The following SPATA16 variants were observed in gnomAD, a reference collection of about 807,000 sequenced individuals.
SPATA16 encodes the protein spermatogenesis associated 16.
A neutral mutation model predicts 63.3 loss-of-function variants in SPATA16; 36 were observed. The ratio of observed to expected loss-of-function variants is 0.57; its 90% CI spans 0.44 to 0.75. SPATA16 has a LOEUF of 0.75. Among genes scored for constraint, SPATA16 ranks in the 30% least tolerant of loss-of-function variants. The pLI is 0.00. For missense variants in SPATA16, 646 were observed against 679.3 expected (o/e 0.95, Z 0.54); for synonymous variants, 203 against 216.7 (o/e 0.94, Z 0.56).
In SPATA16 at chr3:173,117,255, G is replaced by T. The variant is rs368126069; in HGVS notation, c.477C>A (p.Asp159Glu). 1 of 1,614,144 alleles carries T rather than the reference G, an allele frequency of 6.2e-7. No homozygotes were observed. Among genetic ancestry groups the T allele is most frequent in the Non-Finnish European group, 8.5e-7 (1 of 1,180,014 alleles). The change falls in exon 2 of 11, where the codon GAC becomes GAA. Residue 159 changes from aspartate (D) to glutamate (E), a missense_variant. Asp to Glu is a conservative substitution (Grantham distance 45, BLOSUM62 2). Coordinates refer to ENST00000351008, the MANE Select transcript of SPATA16 (RefSeq NM_031955.6). ...AGCTGAAATTATGTACACTCAAAGG[G>T]TCTACTATTTCAGCAGCTTGGCATG... ...QPTCQAAEIV[D>E]PLSVHNFSFL...
At chr3:172,916,579 T>A (rs1732495283) in intron 8 of SPATA16, 98 bp from the exon 9 acceptor site, 1 of 1,303,238 alleles carries the variant, frequency 7.7e-7, no homozygotes, top group African/African-American at 1.5e-5. Context: ...TATTTACATC[T>A]TTTGAAATAA....
chr3:173,106,351 C>T (rs1456464411), intron 2 of SPATA16, among the ~76,000 whole-genome samples: 1 of 152,148 alleles, frequency 6.6e-6, no homozygotes, highest in African/African-American at 2.4e-5. Context: ...CTTTACCCCT[C>T]TAGCTGTTTT....
At position 173,067,898 on chromosome 3, in the gene SPATA16, A is replaced by T. The variant is rs775493523; in HGVS notation, c.613-18804T>A. 2.0e-5 allele frequency among the ~76,000 whole-genome samples: 3 copies of T among 152,372 alleles called. No homozygotes were observed. In the Middle Eastern group the frequency reaches 0.01, roughly 518 times the overall value. On this transcript the variant is annotated intron_variant, in intron 2 of 10. Coordinates refer to ENST00000351008, the MANE Select transcript of SPATA16 (RefSeq NM_031955.6). ...ACAAATAAAAATAAAAAGAATTGTG[A>T]TATGCCTAGCAGCAGATTTCTCAAT...
intron 4 of SPATA16, among the ~76,000 whole-genome samples, chr3:172,998,701 G>A (rs1410950227): frequency 1.3e-5 from 2 of 152,186 alleles, no homozygotes; most frequent in East Asian, 3.9e-4. Flanking sequence ...TTTAAAAAAT[G>A]AAGTTTGGGA....
At position 172,924,308 on chromosome 3, in the gene SPATA16, G is replaced by A. The variant is rs761142532; in HGVS notation, c.1238C>T (p.Thr413Ile). Reference sequence around the variant, plus strand: ...ATCTTCTCTGGTCAGACCGAAAGGTGTTTTATGCTCTAAAAATTGTAACAA... The same window carrying A: ...ATCTTCTCTGGTCAGACCGAAAGGTATTTTATGCTCTAAAAATTGTAACAA... ...RKLPIFTEHKTPFGLTREDTV... is the reference protein window; with the variant it reads ...RKLPIFTEHKIPFGLTREDTV... The change falls in exon 8 of 11, where the codon ACA becomes ATA. Residue 413 changes from threonine to isoleucine, a missense_variant. Thr to Ile is a moderately conservative substitution (Grantham distance 89, BLOSUM62 -1). Transcript: ENST00000351008. The A allele has an allele frequency of 6.2e-7, 1 of 1,611,926 alleles. No homozygotes were observed. Among genetic ancestry groups the A allele is most frequent in the East Asian group, 2.2e-5 (1 of 44,780 alleles).
chr3:173,035,670 C>G (rs1046163432), intron 3 of SPATA16, among the ~76,000 whole-genome samples: 4 of 152,010 alleles, frequency 2.6e-5, no homozygotes, highest in African/African-American at 9.7e-5. Flanking sequence ...ATGAAAAATC[C>G]AAATGCTGGG....
intron 10 of SPATA16, among the ~76,000 whole-genome samples, chr3:172,903,722 A>T (rs953108399): frequency 1.6e-4 from 25 of 152,192 alleles, no homozygotes; most frequent in Non-Finnish European, 3.2e-4. Context: ...AGCAAACCTT[A>T]ACATGATATG....
At chr3:173,060,276 C>CA (rs1362448738) in intron 2 of SPATA16, among the ~76,000 whole-genome samples, 1 of 151,950 alleles carries the variant, frequency 6.6e-6, no homozygotes, top group Non-Finnish European at 1.5e-5. Context: ...GAAACAAAGC[C>CA]AAAGATGGAG....
chr3:172,982,258 C>T (rs1235753271), intron 4 of SPATA16, among the ~76,000 whole-genome samples: 1 of 152,164 alleles, frequency 6.6e-6, no homozygotes, highest in African/African-American at 2.4e-5. Context: ...TAAGAGAATG[C>T]TTTTGTAGTG....
At chr3:173,019,164 A>G (rs1321010945) in intron 4 of SPATA16, among the ~76,000 whole-genome samples, 2 of 152,186 alleles carry the variant, frequency 1.3e-5, no homozygotes, top group Non-Finnish European at 2.9e-5. Context: ...AGTTATAGAA[A>G]TGTGTCATTA....
intron 4 of SPATA16, among the ~76,000 whole-genome samples, chr3:173,001,557 C>T (rs971028014): frequency 2.8e-4 from 43 of 152,284 alleles, no homozygotes; most frequent in African/African-American, 8.7e-4. Context: ...CGTCACCTCT[C>T]ATTTGAATTT....
chr3:173,135,059 C>G (rs1738502751), intron 1 of SPATA16, among the ~76,000 whole-genome samples: 1 of 152,090 alleles, frequency 6.6e-6, no homozygotes, highest in Non-Finnish European at 1.5e-5. Context: ...ATCTGTAGTA[C>G]ATATATTTGA....
chr3:172,893,413 A>G (rs1204877720), intron 10 of SPATA16, among the ~76,000 whole-genome samples: 1 of 152,192 alleles, frequency 6.6e-6, no homozygotes, highest in Non-Finnish European at 1.5e-5. Context: ...ATCACCAGAA[A>G]CTAGGGGAGA....
rs953086213 is a variant in SPATA16 at position 172,995,593 on chromosome 3, A to T, written c.849-18541T>A. ...AAAGAAGGATATCCCAAAATAGGCT[A>T]GGAGAGAAAGCTGATAAAAATGTCT... On this transcript the variant is annotated intron_variant, in intron 4 of 10. Coordinates refer to ENST00000351008, the MANE Select transcript of SPATA16 (RefSeq NM_031955.6). 5.3e-5 allele frequency among the ~76,000 whole-genome samples: 8 copies of T among 152,234 alleles called. No homozygotes were observed. The East Asian group carries it at 1.5e-3, about 29-fold the overall frequency.
chr3:172,930,742 A>G (rs1732853209), intron 6 of SPATA16, among the ~76,000 whole-genome samples: 1 of 151,680 alleles, frequency 6.6e-6, no homozygotes, highest in Non-Finnish European at 1.5e-5. Flanking sequence ...TATTTTTAGT[A>G]GAGATGGGGT....
rs537198350 is a variant in SPATA16, at chr3:172,914,787, G to C, written c.1504-1043C>G. 7.9e-5 allele frequency among the ~76,000 whole-genome samples: 12 copies of C among 151,892 alleles called. No individual in the cohort carries two copies. The South Asian group carries it at 1.0e-3, about 13-fold the overall frequency. ...TATCCAATGAAATTTCATTTTATAG[G>C]GTTTCAAATAGAGAAAAATTACACT... On this transcript the variant is annotated intron_variant, in intron 9 of 10. Transcript: ENST00000351008.
chr3:173,107,731 A>C (rs1737653986), intron 2 of SPATA16, among the ~76,000 whole-genome samples: 1 of 152,188 alleles, frequency 6.6e-6, no homozygotes, highest in South Asian at 2.1e-4. Context: ...AGTCTGTTTA[A>C]CTATGAAGTT....
At position 172,956,746 on chromosome 3, in the gene SPATA16, C is replaced by T. The variant is rs199868908; in HGVS notation, c.1012G>A (p.Asp338Asn). Residue 338 changes from aspartate (D) to asparagine (N), a missense_variant, in exon 6 of 11, where the codon GAT (aspartate) becomes AAT (asparagine). Coordinates refer to ENST00000351008, the MANE Select transcript of SPATA16 (RefSeq NM_031955.6). Reference protein sequence around the residue: ...YTPFATKIRADKIEKVKDAFT... With the variant: ...YTPFATKIRANKIEKVKDAFT... Reference sequence around the variant, plus strand: ...GCATCTTTTACTTTTTCTATTTTATCAGCTCTTATTTTTGTCGCAAATGGT... The same window carrying T: ...GCATCTTTTACTTTTTCTATTTTATTAGCTCTTATTTTTGTCGCAAATGGT... 2.5e-6 allele frequency: 4 copies of T among 1,613,124 alleles called. No homozygotes were observed. The highest frequency in any genetic ancestry group is 3.4e-6 in the Non-Finnish European group (4 of 1,179,472).
chr3:172,899,086 C>A (rs1220567206), intron 10 of SPATA16, among the ~76,000 whole-genome samples: 2 of 151,788 alleles, frequency 1.3e-5, no homozygotes, highest in Non-Finnish European at 2.9e-5. Flanking sequence ...TGTTATGATC[C>A]AGAATAGCAT....
Sources: gnomAD v4.1 joint callset for allele counts (sites outside exome capture counted in the v4.1 genomes callset) on GRCh38, gnomAD v4.1.1 for gene constraint, MANE v1.5 for transcripts, NCBI Gene and HGNC (gene_info 2026-07-23, HGNC 2026-07-21) for gene names.